The following KY variants were observed in gnomAD, a reference collection of about 807,000 sequenced individuals.
KY encodes kyphoscoliosis peptidase.
Under a neutral mutation model 76.1 loss-of-function variants are expected in KY, and 43 were observed. The ratio of observed to expected loss-of-function variants is 0.57; its 90% CI spans 0.44 to 0.73. KY has a LOEUF of 0.73. Among genes scored for constraint, KY ranks in the 30% least tolerant of loss-of-function variants. The pLI, the probability that KY is intolerant of heterozygous loss-of-function variation, is 0.00. For missense variants in KY, 722 were observed against 828.9 expected, an observed-to-expected ratio of 0.87 and a Z score of 1.58; for synonymous variants, 277 against 326.2, an observed-to-expected ratio of 0.85 and a Z score of 1.63.
chr3:134,621,851 ACTC>A lies in KY; in HGVS notation c.484-997_484-995del, dbSNP rs551924087. ...GTTAAATATCCAGAATATAAAAAGA[ACTC>A]CTACAACTCCACAAAAACAAAACCA... On this transcript the variant is annotated intron_variant, in intron 6 of 10. Transcript: ENST00000423778. Among the ~76,000 whole-genome samples the A allele has an allele frequency of 1.8e-4, 28 of 152,228 alleles. No homozygotes were observed. The South Asian group carries it at 5.6e-3, about 30-fold the overall frequency.
intron 7 of KY, 139 bp from the exon 8 acceptor site, chr3:134,619,404 A>G: frequency 1.5e-6 from 1 of 674,716 alleles, no homozygotes; most frequent in Admixed American, 2.3e-5. Flanking sequence ...CCCCAGCACA[A>G]ATGGGATCTG....
rs757725854 is a variant in KY at position 134,620,863 on chromosome 3, G to A, written c.484-6C>T. On this transcript the variant is annotated splice_polypyrimidine_tract_variant and splice_region_variant and intron_variant, in intron 6 of 10. Coordinates refer to ENST00000423778, the MANE Select transcript of KY (RefSeq NM_178554.6). ...AGGCCACTCTTGGCTGTCACCTGGG[G>A]AGCAGGAAGGGTGTGCTGTATTAGG... The A allele has an allele frequency of 1.3e-6, 2 of 1,592,064 alleles. No individual in the cohort carries two copies. Among genetic ancestry groups the A allele is most frequent in the Middle Eastern group, 1.7e-4 (1 of 6,034 alleles).
chr3:134,613,958 C>A (rs1166032726), intron 8 of KY, among the ~76,000 whole-genome samples: 1 of 152,128 alleles, frequency 6.6e-6, no homozygotes, highest in Non-Finnish European at 1.5e-5. Flanking sequence ...GCAGGGAATG[C>A]TATAACATGA....
intron 8 of KY, 54 bp from the exon 9 acceptor site, chr3:134,610,437 AGTCT>A: frequency 6.6e-7 from 1 of 1,505,546 alleles, no homozygotes; most frequent in Non-Finnish European, 9.1e-7. Flanking sequence ...CTTGCCTCCA[AGTCT>A]GTCCATGGTC....
chr3:134,608,112 A>G (rs1046407184), intron 10 of KY: 6 of 1,127,324 alleles, frequency 5.3e-6, no homozygotes, highest in African/African-American at 1.6e-5. Context: ...GTTGCTCCCC[A>G]TCCTTGCTGG....
chr3:134,608,572 C>G, intron 10 of KY, 77 bp downstream of exon 10: 1 of 1,612,272 alleles, frequency 6.2e-7, no homozygotes, highest in Non-Finnish European at 8.5e-7. Flanking sequence ...AAAGCGCAGT[C>G]TCAGGCGGGC....
At chr3:134,629,035 A>G (rs1010580972) in intron 4 of KY, among the ~76,000 whole-genome samples, 2 of 152,322 alleles carry the variant, frequency 1.3e-5, no homozygotes, top group African/African-American at 2.4e-5. Context: ...CATAAGGTGC[A>G]CAGATGCAGG....
At chr3:134,628,205 A>G (rs1462180042) in intron 4 of KY, 1 of 207,794 alleles carries the variant, frequency 4.8e-6, no homozygotes, top group African/African-American at 2.3e-5. Flanking sequence ...CTGACCATGG[A>G]TGGAAACAAA....
Position 134,602,926 on chromosome 3 carries a change from T to G in KY, c.*653A>C, listed in dbSNP as rs564887540. 6.6e-6 allele frequency among the ~76,000 whole-genome samples: 1 copy of G among 152,334 alleles called. No individual in the cohort carries two copies. Among genetic ancestry groups the G allele is most frequent in the Non-Finnish European group, 1.5e-5 (1 of 68,030 alleles). Reference sequence around the variant, plus strand: ...TCACATTCCTGACTATACTTAGGGATGTTGGAGACGATCAGCTTCCAGCCA... The same window carrying G: ...TCACATTCCTGACTATACTTAGGGAGGTTGGAGACGATCAGCTTCCAGCCA... On this transcript the variant is annotated 3_prime_UTR_variant, in exon 11 of 11. Coordinates refer to ENST00000423778, the MANE Select transcript of KY (RefSeq NM_178554.6).
At chr3:134,608,525 A>G (rs1342079432) in intron 10 of KY, 124 bp downstream of exon 10, 1 of 1,588,300 alleles carries the variant, frequency 6.3e-7, no homozygotes, top group South Asian at 1.1e-5. Context: ...GCTTTGTGCT[A>G]AGCTCACAAG....
intron 8 of KY, among the ~76,000 whole-genome samples, chr3:134,612,746 C>T (rs1234431026): frequency 2.4e-5 from 2 of 84,602 alleles, no homozygotes; most frequent in African/African-American, 4.2e-5. Context: ...AATGTCACGC[C>T]GATGCTGTGT....
chr3:134,603,412 A>G lies in KY; in HGVS notation c.*167T>C. On this transcript the variant is annotated 3_prime_UTR_variant, in exon 11 of 11. Transcript: ENST00000423778. ...AGCCACACCTGAGTGAAGCCTTCAG[A>G]ACACAAAGATCACAGCTCCTGTGGC... The G allele has an allele frequency of 1.6e-6, 1 of 627,196 alleles. No individual in the cohort carries two copies. Among genetic ancestry groups the G allele is most frequent in the Non-Finnish European group, 2.7e-6 (1 of 369,738 alleles). 38.9% of individuals were successfully genotyped at this position (627,196 alleles called of 1,614,324 possible).
intron 10 of KY, among the ~76,000 whole-genome samples, chr3:134,605,445 A>G (rs1959176609): frequency 1.3e-5 from 2 of 152,174 alleles, no homozygotes; most frequent in African/African-American, 4.8e-5. Context: ...GGGAGGCAGA[A>G]CACTGTGCCT....
intron 2 of KY, among the ~76,000 whole-genome samples, chr3:134,645,047 G>A (rs1162406905): frequency 6.6e-6 from 1 of 152,252 alleles, no homozygotes; most frequent in Non-Finnish European, 1.5e-5. Context: ...AATCCTCAAG[G>A]AGGGTGATTG....
At chr3:134,608,426 T>G (rs1959638194) in intron 10 of KY, 1 of 1,501,400 alleles carries the variant, frequency 6.7e-7, no homozygotes, top group East Asian at 2.6e-5. Context: ...GAGTGAGCTT[T>G]TGTCCCTGCT....
chr3:134,648,997 C>T lies in KY; in HGVS notation c.137-1500G>A, dbSNP rs78511469. On this transcript the variant is annotated intron_variant, in intron 1 of 10. Coordinates refer to ENST00000423778, the MANE Select transcript of KY (RefSeq NM_178554.6). Reference sequence around the variant, plus strand: ...CTGGTCTTATTGGGCATTTTCCTCCCTTAGGCTGTTTTTCGAGGAAAGGGT... The same window carrying T: ...CTGGTCTTATTGGGCATTTTCCTCCTTTAGGCTGTTTTTCGAGGAAAGGGT... Among the ~76,000 whole-genome samples the T allele has an allele frequency of 2.1e-4, 32 of 152,294 alleles. No individual in the cohort carries two copies. In the East Asian group the frequency reaches 6.2e-3, roughly 29 times the overall value.
At position 134,643,491 on chromosome 3, in the gene KY, C is replaced by T. The variant is rs369689910; in HGVS notation, c.200-113G>A. ...GTGGGCTGGCGGGGGCCAAGCACAT[C>T]CCCAGGCCTAAATGTGTGCACACCC... On this transcript the variant is annotated intron_variant, in intron 2 of 10. Coordinates refer to ENST00000423778, the MANE Select transcript of KY (RefSeq NM_178554.6). 559 of 780,428 alleles carry T rather than the reference C, an allele frequency of 7.2e-4. 5 individuals carry two copies. The South Asian group carries it at 7.7e-3, about 11-fold the overall frequency. 48.3% of individuals were successfully genotyped at this position (780,428 alleles called of 1,614,324 possible).
intron 1 of KY, among the ~76,000 whole-genome samples, chr3:134,648,189 A>G (rs1966663770): frequency 6.6e-6 from 1 of 152,162 alleles, no homozygotes; most frequent in Non-Finnish European, 1.5e-5. Context: ...CGGAAGGAGT[A>G]TTCAGTGCTC....
intron 3 of KY, 104 bp downstream of exon 3, chr3:134,643,212 G>A (rs1354067463): frequency 5.6e-6 from 6 of 1,074,044 alleles, no homozygotes; most frequent in African/African-American, 1.6e-5. Context: ...AGAGGACCCT[G>A]CTCCCCATAG....
Sources: allele counts gnomAD v4.1 joint callset (sites outside exome capture counted in the v4.1 genomes callset), GRCh38; gene constraint gnomAD v4.1.1; transcripts MANE v1.5; gene names NCBI Gene and HGNC (gene_info 2026-07-23, HGNC 2026-07-21).